POLA1: variants seen among roughly 807,000 people sequenced by gnomAD.
POLA1 encodes DNA polymerase alpha 1, catalytic subunit.
Under a neutral mutation model 124.0 loss-of-function variants are expected in POLA1, and 15 were observed. The observed-to-expected ratio is 0.12, with a 90% CI of 0.08 to 0.19. POLA1 has a LOEUF of 0.19. Among genes scored for constraint, POLA1 ranks in the 10% least tolerant of loss-of-function variants. The probability of loss-of-function intolerance (pLI) is 1.00; values close to 1 mark genes in which losing one functional copy is unlikely to be tolerated. For missense variants in POLA1, 886 were observed against 1,103.4 expected (o/e 0.80, Z 2.79); for synonymous variants, 408 against 389.4 (o/e 1.05, Z -0.56).
intron 15 of POLA1, among the ~76,000 whole-genome samples, chrX:24,729,956 C>T (rs1346875126): frequency 1.8e-5 from 2 of 110,201 alleles, no homozygotes; most frequent in East Asian, 2.9e-4. Flanking sequence ...AGGTGCGGGC[C>T]ACTACACATG....
chrX:24,705,910 CAG>C lies in POLA1; in HGVS notation c.346+1442_346+1443del, dbSNP rs1026295854. Among the ~76,000 whole-genome samples, 6 of 112,217 alleles carry C rather than the reference CAG, an allele frequency of 5.3e-5. No individual in the cohort carries two copies. In the Admixed American group the frequency reaches 5.7e-4, roughly 11 times the overall value. On this transcript the variant is annotated intron_variant, in intron 4 of 36. Coordinates refer to ENST00000379068, the MANE Select transcript of POLA1 (RefSeq NM_001330360.2). ...AATATAAAGTCTGTCCTTCCCATAT[CAG>C]GGGCATATGACGTCACTTGTACCAT...
At chrX:24,817,422 A>C (rs752768338) in intron 30 of POLA1, among the ~76,000 whole-genome samples, 3 of 109,748 alleles carry the variant, frequency 2.7e-5, no homozygotes, top group Non-Finnish European at 5.7e-5. Context: ...AGCCTGACCA[A>C]CATGGTGAAA....
intron 26 of POLA1, among the ~76,000 whole-genome samples, chrX:24,752,480 T>C (rs1026733239): frequency 2.7e-5 from 3 of 112,120 alleles, no homozygotes; most frequent in African/African-American, 9.7e-5. Context: ...AATGTGTGTG[T>C]AGAGAGGCAT....
chrX:24,907,947 A>G (rs993238747), intron 35 of POLA1, among the ~76,000 whole-genome samples: 5 of 112,197 alleles, frequency 4.5e-5, no homozygotes, highest in African/African-American at 1.6e-4. Flanking sequence ...AATGGGGTCT[A>G]TATGTGTTTT....
At chrX:24,709,416 G>A (rs1372337973) in intron 4 of POLA1, among the ~76,000 whole-genome samples, 12 of 94,752 alleles carry the variant, frequency 1.3e-4, no homozygotes, top group South Asian at 5.6e-4. Flanking sequence ...CCTCCCGGAC[G>A]GCACGGCTGG....
intron 26 of POLA1, among the ~76,000 whole-genome samples, chrX:24,776,175 A>G (rs1483922633): frequency 8.9e-6 from 1 of 112,524 alleles, no homozygotes; most frequent in Non-Finnish European, 1.9e-5. Context: ...TGAGCTGACT[A>G]TATTTATTTT....
chrX:24,834,726 G>A (rs1229318651), intron 32 of POLA1, among the ~76,000 whole-genome samples: 1 of 111,601 alleles, frequency 9.0e-6, no homozygotes, highest in African/African-American at 3.3e-5. Context: ...GCAGTGAGCC[G>A]AGATTGCGCC....
At chrX:24,820,772 CTG>C (rs1255698319) in intron 30 of POLA1, among the ~76,000 whole-genome samples, 1 of 107,935 alleles carries the variant, frequency 9.3e-6, no homozygotes, top group East Asian at 2.9e-4. Context: ...TAGCAGATGA[CTG>C]TGTCTTATTC....
At chrX:24,841,881 A>G (rs772435278) in intron 33 of POLA1, 51 bp downstream of exon 33, 1 of 931,898 alleles carries the variant, frequency 1.1e-6, no homozygotes. Context: ...TAAAGGCCTT[A>G]CCCCCTTCCC....
intron 4 of POLA1, among the ~76,000 whole-genome samples, chrX:24,708,390 T>A (rs1455616757): frequency 1.0e-5 from 1 of 97,388 alleles, no homozygotes; most frequent in African/African-American, 3.7e-5. Flanking sequence ...TTTTTTTTTT[T>A]TAATTTATTT....
At chrX:24,733,129 C>T (rs948694425) in intron 16 of POLA1, among the ~76,000 whole-genome samples, 1 of 111,952 alleles carries the variant, frequency 8.9e-6, no homozygotes, top group Admixed American at 9.5e-5. Context: ...GCGAGCCTCT[C>T]GTCTGGTTTT....
intron 28 of POLA1, among the ~76,000 whole-genome samples, chrX:24,812,314 C>T (rs746427848): frequency 2.7e-4 from 30 of 112,348 alleles, no homozygotes; most frequent in Non-Finnish European, 5.1e-4. Context: ...AGTTTGAAGG[C>T]AAGTACTGTA....
rs778080090 is a variant in POLA1 at position 24,909,194 on chromosome X, G to A, written c.4164+21072G>A. On this transcript the variant is annotated intron_variant, in intron 35 of 36. Transcript: ENST00000379068. ...CTCCCATTCTGTAGGTGGCCTGTTT[G>A]CTCTGATGGTAGTTTCTTTTGCTGT... Among the ~76,000 whole-genome samples, 283 of 111,362 alleles carry A rather than the reference G, an allele frequency of 2.5e-3. 1 individual carries two copies. Among genetic ancestry groups the A allele is most frequent in the Admixed American group, 5.0e-3 (52 of 10,465 alleles).
rs56931993 is a variant in POLA1 at position 24,921,031 on chromosome X, A to G, written c.4165-9422A>G. On this transcript the variant is annotated intron_variant, in intron 35 of 36. Transcript: ENST00000379068. ...CAGTTTTTCTAAGAGGTTTCAAACA[A>G]ACCATAGCTACCCCATTTACTGACC... 4.8e-3 allele frequency among the ~76,000 whole-genome samples: 535 copies of G among 112,026 alleles called. 3 individuals carry two copies. Among genetic ancestry groups the G allele is most frequent in the African/African-American group, 0.017 (523 of 30,844 alleles).
chrX:24,799,350 G>A (rs947620334), intron 26 of POLA1, among the ~76,000 whole-genome samples: 2 of 112,343 alleles, frequency 1.8e-5, no homozygotes, highest in African/African-American at 3.2e-5. Context: ...GTAATGACAA[G>A]GGACAGCTTG....
At chrX:24,760,104 C>T (rs771440083) in intron 26 of POLA1, among the ~76,000 whole-genome samples, 1 of 111,927 alleles carries the variant, frequency 8.9e-6, no homozygotes, top group Non-Finnish European at 1.9e-5. Context: ...GCATAGAAAT[C>T]GGTATAAGGT....
chrX:24,930,667 G>C, intron 36 of POLA1, 118 bp downstream of exon 36: 1 of 513,414 alleles, frequency 1.9e-6, no homozygotes, highest in African/African-American at 2.3e-5. Context: ...GAAGCAGGCC[G>C]TGGGGGCCTA....
chrX:24,716,276 T>C, intron 6 of POLA1, 86 bp from the exon 7 acceptor site: 1 of 511,633 alleles, frequency 2.0e-6, no homozygotes, highest in East Asian at 3.5e-5. Context: ...GCTTTGCTTA[T>C]TGGGCTTCAA....
At chrX:24,801,293 A>G (rs2045700679) in intron 26 of POLA1, among the ~76,000 whole-genome samples, 2 of 112,100 alleles carry the variant, frequency 1.8e-5, no homozygotes, top group African/African-American at 6.5e-5. Context: ...TTTGTAACCA[A>G]CTTTAGGGTC....
Sources: allele counts gnomAD v4.1 joint callset (sites outside exome capture counted in the v4.1 genomes callset), GRCh38; gene constraint gnomAD v4.1.1; transcripts MANE v1.5; gene names NCBI Gene and HGNC (gene_info 2026-07-23, HGNC 2026-07-21).